The following SLC44A1 variants were observed in gnomAD, a reference collection of about 807,000 sequenced individuals.
SLC44A1 encodes the protein choline transporter-like protein 1.
SLC44A1 carries 26 observed loss-of-function variants against 79.3 expected under a neutral mutation model. That is an observed-to-expected ratio of 0.33 (90% CI 0.24 to 0.46). SLC44A1 has a LOEUF of 0.46. SLC44A1 is among the 20% of genes least tolerant of loss of function. The probability of loss-of-function intolerance (pLI) is 1.00; values close to 1 mark genes in which losing one functional copy is unlikely to be tolerated. For missense variants in SLC44A1, 688 were observed against 798.1 expected, an observed-to-expected ratio of 0.86 and a Z score of 1.66; for synonymous variants, 263 against 286.2, an observed-to-expected ratio of 0.92 and a Z score of 0.82.
Position 105,390,843 on chromosome 9 carries a change from C to G in SLC44A1, c.*1787C>G, listed in dbSNP as rs1340812308. On this transcript the variant is annotated 3_prime_UTR_variant, in exon 16 of 16. Transcript: ENST00000374720. ...AGCAAGATCTGGGAAACCAACATTG[C>G]GAGAGTAGCTATTTTGAAAGAATAA... 2 of 985,030 alleles carry G rather than the reference C, an allele frequency of 2.0e-6. No individual in the cohort carries two copies. Among genetic ancestry groups the G allele is most frequent in the South Asian group, 4.7e-5 (1 of 21,260 alleles). The allele number at this position is 985,030 out of a possible 1,614,324, so 61.0% of individuals were successfully genotyped here. A position where few individuals can be genotyped will look rare whatever the true frequency, so the allele number is the denominator to read the frequency against.
At chr9:105,362,520 A>T (rs911773118) in intron 8 of SLC44A1, among the ~76,000 whole-genome samples, 8 of 152,154 alleles carry the variant, frequency 5.3e-5, no homozygotes, top group African/African-American at 1.9e-4. Context: ...AAAGAGTCTC[A>T]TCCTGACTGA....
At chr9:105,422,281 CT>C (rs554922812) in intron 15 of SLC44A1, among the ~76,000 whole-genome samples, 2,636 of 95,904 alleles carry the variant, frequency 0.027, 60 homozygotes, top group African/African-American at 0.11. Context: ...CTGCTCCATC[CT>C]TTTTTTTTTT....
intron 1 of SLC44A1, among the ~76,000 whole-genome samples, chr9:105,289,184 C>T (rs327979): frequency 0.13 from 20,050 of 152,114 alleles, 1,676 homozygotes; most frequent in African/African-American, 0.23. Flanking sequence ...TATTTATTCA[C>T]TAAATAAATG....
chr9:105,299,965 A>G, intron 2 of SLC44A1: 1 of 984,272 alleles, frequency 1.0e-6, no homozygotes. Context: ...ATTCAATTGC[A>G]TACTCACTCT....
chr9:105,408,163 A>G (rs1210725674), intron 15 of SLC44A1, among the ~76,000 whole-genome samples: 1 of 152,216 alleles, frequency 6.6e-6, no homozygotes, highest in Non-Finnish European at 1.5e-5. Flanking sequence ...CAAAAAATAA[A>G]ATAAAATAAA....
At chr9:105,347,222 A>AT (rs1299355076) in intron 4 of SLC44A1, among the ~76,000 whole-genome samples, 1 of 151,968 alleles carries the variant, frequency 6.6e-6, no homozygotes, top group African/African-American at 2.4e-5. Context: ...ATATTTTAAG[A>AT]TTTTTCCATG....
chr9:105,401,604 T>G (rs937246255), downstream of SLC44A1, among the ~76,000 whole-genome samples: 1 of 151,964 alleles, frequency 6.6e-6, no homozygotes, highest in Non-Finnish European at 1.5e-5. Context: ...ATTAGAAAGA[T>G]TAGAAGAAAT....
intron 1 of SLC44A1, among the ~76,000 whole-genome samples, chr9:105,272,096 A>G (rs1038616910): frequency 6.6e-6 from 1 of 152,242 alleles, no homozygotes; most frequent in African/African-American, 2.4e-5. Flanking sequence ...GCACATAATA[A>G]GAGTTCAAAG....
In SLC44A1 at chr9:105,391,368, G is replaced by A. The variant is rs1828759241; in HGVS notation, c.*2312G>A. Reference sequence around the variant, plus strand: ...TGATTGTGTGCCATTTTATATAACAGGTCCTGTTTTACAAATAAATTTTGT... The same window carrying A: ...TGATTGTGTGCCATTTTATATAACAAGTCCTGTTTTACAAATAAATTTTGT... On this transcript the variant is annotated 3_prime_UTR_variant, in exon 16 of 16. Transcript: ENST00000374720. The A allele has an allele frequency of 1.0e-6, 1 of 983,518 alleles. No individual in the cohort carries two copies. The highest frequency in any genetic ancestry group is 1.2e-6 in the Non-Finnish European group (1 of 827,852). 60.9% of individuals were successfully genotyped at this position (983,518 alleles called of 1,614,324 possible). A position where few individuals can be genotyped will look rare whatever the true frequency, so the allele number is the denominator to read the frequency against.
In SLC44A1 at chr9:105,391,308, G is replaced by A; in HGVS notation, c.*2252G>A. On this transcript the variant is annotated 3_prime_UTR_variant, in exon 16 of 16. Coordinates refer to ENST00000374720, the MANE Select transcript of SLC44A1 (RefSeq NM_080546.5). ...CTAATTATCATTTGCAACTAGAACTGTAATCAGAAAGAAATTTTGTATTTT... is the reference window on the plus strand; with the variant it reads ...CTAATTATCATTTGCAACTAGAACTATAATCAGAAAGAAATTTTGTATTTT... 1.0e-6 allele frequency: 1 copy of A among 985,754 alleles called. No individual in the cohort carries two copies. Among genetic ancestry groups the A allele is most frequent in the Non-Finnish European group, 1.2e-6 (1 of 829,832 alleles). The allele number at this position is 985,754 out of a possible 1,614,324, so 61.1% of individuals were successfully genotyped here. A position where few individuals can be genotyped will look rare whatever the true frequency, so the allele number is the denominator to read the frequency against.
intron 15 of SLC44A1, among the ~76,000 whole-genome samples, chr9:105,421,615 C>T: frequency 7.2e-6 from 1 of 138,208 alleles, no homozygotes; most frequent in African/African-American, 2.7e-5. Flanking sequence ...GACAGAGTTT[C>T]CATCTGTCGC....
In SLC44A1 at chr9:105,419,392, TAAAG is replaced by T. The variant is rs562365830; in HGVS notation, c.1951-18887_1951-18884del. Among the ~76,000 whole-genome samples, 3 of 152,300 alleles carry T rather than the reference TAAAG, an allele frequency of 2.0e-5. No homozygotes were observed. In the South Asian group the frequency reaches 6.2e-4, roughly 32 times the overall value. Reference sequence around the variant, plus strand: ...AGATTGTGCCTTCATTGTAGTTTTATAAAGAGAGTATCTTTCAAGACATACACAA... The same window carrying T: ...AGATTGTGCCTTCATTGTAGTTTTATAGAGTATCTTTCAAGACATACACAA... On this transcript the variant is annotated intron_variant, in intron 15 of 15. Transcript: ENST00000374724.
intron 1 of SLC44A1, among the ~76,000 whole-genome samples, chr9:105,295,868 A>G (rs1830709652): frequency 6.6e-6 from 1 of 152,158 alleles, no homozygotes; most frequent in South Asian, 2.1e-4. Context: ...CGATACCTAC[A>G]TGAGCTGTTT....
intron 5 of SLC44A1, among the ~76,000 whole-genome samples, chr9:105,351,959 A>G (rs1449160185): frequency 6.6e-6 from 1 of 152,186 alleles, no homozygotes; most frequent in Non-Finnish European, 1.5e-5. Flanking sequence ...ACAACAACAA[A>G]GAGTATAGGA....
At chr9:105,384,551 T>A (rs902539874) in intron 14 of SLC44A1, among the ~76,000 whole-genome samples, 11 of 152,182 alleles carry the variant, frequency 7.2e-5, no homozygotes, top group Non-Finnish European at 8.8e-5. Flanking sequence ...ACTGATTTTC[T>A]CTTTTTCTGG....
At chr9:105,332,045 C>A (rs927632020) in intron 3 of SLC44A1, among the ~76,000 whole-genome samples, 5 of 151,652 alleles carry the variant, frequency 3.3e-5, no homozygotes, top group African/African-American at 1.2e-4. Context: ...TTTTTAACTT[C>A]ATGTGTGTGC....
intron 15 of SLC44A1, among the ~76,000 whole-genome samples, chr9:105,422,233 T>C (rs1204280638): frequency 2.0e-5 from 3 of 151,076 alleles, no homozygotes; most frequent in Admixed American, 6.6e-5. Context: ...GCCCTCATGA[T>C]CTCATGATGC....
intron 7 of SLC44A1, among the ~76,000 whole-genome samples, chr9:105,359,397 A>G (rs1827716595): frequency 6.6e-6 from 1 of 152,192 alleles, no homozygotes; most frequent in Non-Finnish European, 1.5e-5. Context: ...CAATAATCAA[A>G]TACAGAAATA....
chr9:105,418,332 A>G (rs28391085), intron 15 of SLC44A1, among the ~76,000 whole-genome samples: 1,939 of 148,688 alleles, frequency 0.013, 12 homozygotes, highest in African/African-American at 0.018. Context: ...AAAAAAAAAA[A>G]AAAGAAAGAA....
Sources: allele counts gnomAD v4.1 joint callset (sites outside exome capture counted in the v4.1 genomes callset), GRCh38; gene constraint gnomAD v4.1.1; transcripts MANE v1.5; gene names NCBI Gene and HGNC (gene_info 2026-07-23, HGNC 2026-07-21).